Variants in LMNTD1 observed in about 807,000 individuals in gnomAD.
The protein encoded by LMNTD1 is lamin tail domain containing 1.
LMNTD1 carries 35 observed loss-of-function variants against 50.9 expected under a neutral mutation model. The observed-to-expected ratio is 0.69, with a 90% CI of 0.53 to 0.91. The LOEUF is 0.91. Ranked by LOEUF, LMNTD1 falls within the 40% of genes least tolerant of loss-of-function variation. LMNTD1 has a pLI of 0.00. For synonymous variants in LMNTD1, 153 were observed against 161.9 expected, an observed-to-expected ratio of 0.94 and a Z score of 0.42; for missense variants, 470 against 475.5, an observed-to-expected ratio of 0.99 and a Z score of 0.11.
intron 1 of LMNTD1, among the ~76,000 whole-genome samples, chr12:25,642,182 A>C (rs932473473): frequency 6.6e-6 from 1 of 152,136 alleles, no homozygotes; most frequent in Non-Finnish European, 1.5e-5. Flanking sequence ...TTGGGCCTTG[A>C]GAGAAGGAAG....
At chr12:25,643,135 A>G (rs576201968) in intron 1 of LMNTD1, among the ~76,000 whole-genome samples, 7 of 152,340 alleles carry the variant, frequency 4.6e-5, no homozygotes, top group Admixed American at 6.5e-5. Flanking sequence ...ATAACATGGT[A>G]ATTTTAGATT....
Position 25,520,062 on chromosome 12 carries a change from TACC to T in LMNTD1, c.809_811del (p.Trp270del), listed in dbSNP as rs1192463542. Reference sequence around the variant, plus strand: ...CGCTTGCTTCCAGTGGATAGGGGTGTACCACGCAATGGCCTAATGAAAATGATT... The same window carrying T: ...CGCTTGCTTCCAGTGGATAGGGGTGTACGCAATGGCCTAATGAAAATGATT... On this transcript the variant is annotated inframe_deletion, in exon 7 of 10. Coordinates refer to ENST00000458174, the MANE Select transcript of LMNTD1 (RefSeq NM_001145728.2). The T allele has an allele frequency of 6.2e-7, 1 of 1,609,816 alleles. No homozygotes were observed. The highest frequency in any genetic ancestry group is 1.3e-5 in the African/African-American group (1 of 74,484).
chr12:25,601,811 C>A lies in LMNTD1; in HGVS notation c.58+46683G>T, dbSNP rs533623534. Among the ~76,000 whole-genome samples, 11 of 151,860 alleles carry A rather than the reference C, an allele frequency of 7.2e-5. No individual in the cohort carries two copies. The South Asian group carries it at 2.3e-3, about 31-fold the overall frequency. On this transcript the variant is annotated intron_variant, in intron 1 of 7. Coordinates refer to the LMNTD1 transcript ENST00000445693. ...ATTTATTTACTTTTTAATCAATATA[C>A]AATAGTTGTACATATTTTGGGGGTA...
Position 25,520,002 on chromosome 12 carries a change from C to A in LMNTD1, c.872G>T (p.Arg291Ile). The change falls in exon 7 of 10, where the codon AGA (arginine) becomes ATA (isoleucine). Residue 291 changes from arginine (R) to isoleucine (I), a missense_variant. Transcript: ENST00000458174. Reference protein sequence around the residue: ...EKLDADVEFNRCSVVSPTFRK... With the variant: ...EKLDADVEFNICSVVSPTFRK... ...GAATGTTGGAGATACTACTGAACATCTGTTAAATTCAACGTCAGCATCTAA... is the reference window on the plus strand; with the variant it reads ...GAATGTTGGAGATACTACTGAACATATGTTAAATTCAACGTCAGCATCTAA... The A allele has an allele frequency of 1.2e-6, 2 of 1,613,684 alleles. No homozygotes were observed.
intron 9 of LMNTD1, among the ~76,000 whole-genome samples, chr12:25,502,018 T>C (rs1250221125): frequency 6.6e-6 from 1 of 152,062 alleles, no homozygotes; most frequent in Non-Finnish European, 1.5e-5. Context: ...CCAGAACTTT[T>C]CAAAACAGGG....
chr12:25,565,738 T>C (rs561727095), intron 1 of LMNTD1, among the ~76,000 whole-genome samples: 3 of 152,242 alleles, frequency 2.0e-5, no homozygotes, highest in Non-Finnish European at 4.4e-5. Flanking sequence ...TTCTTTCTGA[T>C]TGAAGTTCTC....
chr12:25,601,960 G>T (rs768199117), intron 1 of LMNTD1, among the ~76,000 whole-genome samples: 1 of 151,768 alleles, frequency 6.6e-6, no homozygotes, highest in Non-Finnish European at 1.5e-5. Flanking sequence ...CTAGCTATTT[G>T]AAATGTACAA....
intron 1 of LMNTD1, among the ~76,000 whole-genome samples, chr12:25,563,285 G>A (rs1096013): frequency 6.6e-6 from 1 of 152,212 alleles, no homozygotes; most frequent in African/African-American, 2.4e-5. Context: ...TTTATCTACC[G>A]TTAGTCTTTG....
chr12:25,641,676 T>C (rs1946961553), intron 1 of LMNTD1, among the ~76,000 whole-genome samples: 1 of 152,142 alleles, frequency 6.6e-6, no homozygotes, highest in African/African-American at 2.4e-5. Flanking sequence ...GGGTAAACAT[T>C]TAAAGTGTAT....
rs146071334 is a variant in LMNTD1 at position 25,559,495 on chromosome 12, G to A, written c.59-12941C>T. Among the ~76,000 whole-genome samples, 1,084 of 152,212 alleles carry A rather than the reference G, an allele frequency of 7.1e-3. 11 individuals carry two copies. The highest frequency in any genetic ancestry group is 0.025 in the African/African-American group (1,043 of 41,518). ...ACTCTTTGCTATTGTGAATAATGCCGCAATAAACATGTGTGTGCATGTGTC... is the reference window on the plus strand; with the variant it reads ...ACTCTTTGCTATTGTGAATAATGCCACAATAAACATGTGTGTGCATGTGTC... On this transcript the variant is annotated intron_variant, in intron 1 of 7. Coordinates refer to the LMNTD1 transcript ENST00000445693.
At chr12:25,480,926 G>A (rs535577235) in intron 9 of LMNTD1, among the ~76,000 whole-genome samples, 3 of 152,132 alleles carry the variant, frequency 2.0e-5, no homozygotes, top group Non-Finnish European at 4.4e-5. Context: ...ATACTATTCC[G>A]TAAAGTCAAG....
intron 8 of LMNTD1, 111 bp downstream of exon 8, chr12:25,518,684 A>C: frequency 1.1e-6 from 1 of 919,286 alleles, no homozygotes; most frequent in Non-Finnish European, 1.7e-6. Flanking sequence ...ATTCTTGAGA[A>C]TATGAATCAT....
intron 9 of LMNTD1, among the ~76,000 whole-genome samples, chr12:25,482,780 C>T (rs1938484582): frequency 6.6e-6 from 1 of 151,936 alleles, no homozygotes; most frequent in South Asian, 2.1e-4. Context: ...CTGCCTCTCA[C>T]TTGAAGAGGC....
At chr12:25,523,224 G>A (rs888855205) in intron 6 of LMNTD1, among the ~76,000 whole-genome samples, 16 of 151,984 alleles carry the variant, frequency 1.1e-4, no homozygotes, top group Admixed American at 9.2e-4. Context: ...AGTAGAGATG[G>A]GGTTTCACCA....
At chr12:25,619,244 CTCTCTCTCTATATATATA>C (rs1288505785) in intron 1 of LMNTD1, among the ~76,000 whole-genome samples, 5 of 73,646 alleles carry the variant, frequency 6.8e-5, no homozygotes, top group East Asian at 1.0e-3. Flanking sequence ...CTCTCTCTCT[CTCTCTCTCTATATATATA>C]TATATATATA....
chr12:25,647,476 C>G (rs1947099087), intron 1 of LMNTD1, among the ~76,000 whole-genome samples: 1 of 151,688 alleles, frequency 6.6e-6, no homozygotes, highest in African/African-American at 2.4e-5. Flanking sequence ...GGTGACAGAG[C>G]CAGATCCTGT....
At chr12:25,547,637 A>G (rs539556639) in intron 3 of LMNTD1, among the ~76,000 whole-genome samples, 2 of 150,820 alleles carry the variant, frequency 1.3e-5, no homozygotes, top group Admixed American at 1.3e-4. Flanking sequence ...TTTTGCTGAG[A>G]AAAAAAAAGC....
At chr12:25,583,880 G>C (rs1333749612) in intron 1 of LMNTD1, among the ~76,000 whole-genome samples, 2 of 152,224 alleles carry the variant, frequency 1.3e-5, no homozygotes, top group Admixed American at 1.3e-4. Context: ...GGAACCTTGA[G>C]CCAATGAGTG....
At chr12:25,526,062 A>AAT in intron 6 of LMNTD1, 37 bp downstream of exon 6, 1 of 930,580 alleles carries the variant, frequency 1.1e-6, no homozygotes, top group Non-Finnish European at 1.4e-6. Context: ...CACAATATTT[A>AAT]AAAAAAAAAA....
Sources: gnomAD v4.1 joint callset for allele counts (sites outside exome capture counted in the v4.1 genomes callset) on GRCh38, gnomAD v4.1.1 for gene constraint, MANE v1.5 for transcripts, NCBI Gene and HGNC (gene_info 2026-07-23, HGNC 2026-07-21) for gene names.